SLC25A40: variants seen among roughly 807,000 people sequenced by gnomAD.
SLC25A40 encodes solute carrier family 25 member 40.
A neutral mutation model predicts 46.5 loss-of-function variants in SLC25A40; 41 were observed. That is an observed-to-expected ratio of 0.88 (90% CI 0.69 to 1.14). The LOEUF is 1.14. Ranked by LOEUF, SLC25A40 falls within the 50% of genes most tolerant of loss-of-function variation. The pLI is 0.00. For synonymous variants in SLC25A40, 126 were observed against 127.5 expected, an observed-to-expected ratio of 0.99 and a Z score of 0.08; for missense variants, 386 against 393.6, an observed-to-expected ratio of 0.98 and a Z score of 0.16.
Position 87,846,995 on chromosome 7 carries a change from A to T in SLC25A40, c.585T>A (p.Leu195=), listed in dbSNP as rs776453802. The T allele has an allele frequency of 1.1e-5, 18 of 1,613,660 alleles. No individual in the cohort carries two copies. The highest frequency in any genetic ancestry group is 1.5e-5 in the Non-Finnish European group (18 of 1,179,816). The part of the protein sequence containing the change: ...KKVSEDGWIS[L]WRGWAPTVLR... ...GAACAGTAGGAGCCCAGCCCCTCCA[A>T]AGGGAAATCCAACCATCTTCAGATA... Residue 195 remains leucine (L), a synonymous_variant, in exon 8 of 12, where the codon CTT becomes CTA. Coordinates refer to ENST00000341119, the MANE Select transcript of SLC25A40 (RefSeq NM_018843.4).
chr7:87,865,363 A>G (rs959347792), intron 1 of SLC25A40, among the ~76,000 whole-genome samples: 2 of 152,174 alleles, frequency 1.3e-5, no homozygotes, highest in East Asian at 3.8e-4. Flanking sequence ...ACCTATTTTT[A>G]TATTCCTTAT....
chr7:87,849,857 A>G (rs773510462), intron 6 of SLC25A40, 24 bp downstream of exon 6: 34 of 1,505,990 alleles, frequency 2.3e-5, no homozygotes, highest in Non-Finnish European at 2.7e-5. Flanking sequence ...TATTTAGTAG[A>G]AAAAACATTA....
intron 9 of SLC25A40, chr7:87,841,915 C>T: frequency 3.1e-6 from 1 of 323,716 alleles, no homozygotes; most frequent in South Asian, 4.2e-5. Context: ...TAAAAAGCCT[C>T]AGAAAAATTC....
At chr7:87,870,116 T>C (rs960551481) in intron 1 of SLC25A40, among the ~76,000 whole-genome samples, 2 of 151,974 alleles carry the variant, frequency 1.3e-5, no homozygotes, top group African/African-American at 4.8e-5. Context: ...AATAGCTATT[T>C]AGATCCTTTG....
chr7:87,848,017 A>C, intron 6 of SLC25A40, 40 bp from the exon 7 acceptor site: 1 of 1,581,462 alleles, frequency 6.3e-7, no homozygotes, highest in African/African-American at 1.4e-5. Flanking sequence ...AAATTATCAA[A>C]AGATCCCACA....
intron 4 of SLC25A40, among the ~76,000 whole-genome samples, chr7:87,855,179 A>AG (rs1226962391): frequency 6.6e-6 from 1 of 151,336 alleles, no homozygotes; most frequent in Admixed American, 6.6e-5. Flanking sequence ...AAAAAAAAAA[A>AG]GGACACAAAA....
At chr7:87,853,028 C>G (rs1838543381) in intron 5 of SLC25A40, among the ~76,000 whole-genome samples, 1 of 152,008 alleles carries the variant, frequency 6.6e-6, no homozygotes, top group Non-Finnish European at 1.5e-5. Flanking sequence ...CTGTGAAAGA[C>G]CATGTTTAAG....
At position 87,833,898 on chromosome 7, in the gene SLC25A40, T is replaced by TAAC. The variant is rs1391788928; in HGVS notation, c.*2348_*2350dup. On this transcript the variant is annotated 3_prime_UTR_variant, in exon 12 of 12. Coordinates refer to ENST00000341119, the MANE Select transcript of SLC25A40 (RefSeq NM_018843.4). ...AATTTAAAAAACATATGCAGTTAAA[T>TAAC]AACCATAATGAATAGTTTTCCTAGA... 1 of 151,706 alleles carries TAAC rather than the reference T, an allele frequency of 6.6e-6. No homozygotes were observed. Among genetic ancestry groups the TAAC allele is most frequent in the African/African-American group, 2.4e-5 (1 of 41,350 alleles). The allele number at this position is 151,706 out of a possible 1,614,324, so 9.4% of individuals were successfully genotyped here. A position where few individuals can be genotyped will look rare whatever the true frequency, so the allele number is the denominator to read the frequency against.
rs1269428200 is a variant in SLC25A40, at chr7:87,834,377, T to C, written c.*1872A>G. Reference sequence around the variant, plus strand: ...CAAAATTCTGAACACTTTTTGGTTGTTAGTATATTTTAAAAGTATTAATAT... The same window carrying C: ...CAAAATTCTGAACACTTTTTGGTTGCTAGTATATTTTAAAAGTATTAATAT... On this transcript the variant is annotated 3_prime_UTR_variant, in exon 12 of 12. Coordinates refer to ENST00000341119, the MANE Select transcript of SLC25A40 (RefSeq NM_018843.4). 2.0e-5 allele frequency: 3 copies of C among 151,702 alleles called. No homozygotes were observed. The highest frequency in any genetic ancestry group is 4.4e-5 in the Non-Finnish European group (3 of 67,762). The allele number at this position is 151,702 out of a possible 1,614,324, so 9.4% of individuals were successfully genotyped here. A position where few individuals can be genotyped will look rare whatever the true frequency, so the allele number is the denominator to read the frequency against.
intron 1 of SLC25A40, among the ~76,000 whole-genome samples, chr7:87,865,490 G>C (rs1199981188): frequency 6.6e-6 from 1 of 152,190 alleles, no homozygotes; most frequent in East Asian, 1.9e-4. Context: ...TTCTTGGGAG[G>C]CCAGGTACAG....
chr7:87,863,105 T>C (rs552995610), intron 1 of SLC25A40, among the ~76,000 whole-genome samples: 34 of 152,330 alleles, frequency 2.2e-4, no homozygotes, highest in Admixed American at 5.9e-4. Flanking sequence ...AGTATGTCCA[T>C]TTACATCTTT....
At chr7:87,839,415 G>A (rs1384582177) in intron 10 of SLC25A40, among the ~76,000 whole-genome samples, 1 of 146,810 alleles carries the variant, frequency 6.8e-6, no homozygotes, top group Non-Finnish European at 1.5e-5. Flanking sequence ...ATTAAATATT[G>A]CTTGAGTAGT....
Position 87,836,363 on chromosome 7 carries a change from T to C in SLC25A40, c.905-2A>G. On this transcript the variant is annotated splice_acceptor_variant, in intron 11 of 11. Coordinates refer to ENST00000341119, the MANE Select transcript of SLC25A40 (RefSeq NM_018843.4). LOFTEE classifies it high-confidence loss of function. ...TTTTAATTAAGCGAGGAATTAGGCCTGAGAAAAGAATAGGAATAATCAAAA... is the reference window on the plus strand; with the variant it reads ...TTTTAATTAAGCGAGGAATTAGGCCCGAGAAAAGAATAGGAATAATCAAAA... 6.7e-7 allele frequency: 1 copy of C among 1,500,470 alleles called. No individual in the cohort carries two copies. Among genetic ancestry groups the C allele is most frequent in the Non-Finnish European group, 8.9e-7 (1 of 1,122,654 alleles). The allele number at this position is 1,500,470 out of a possible 1,614,324, so 92.9% of individuals were successfully genotyped here.
intron 8 of SLC25A40, 151 bp from the exon 9 acceptor site, chr7:87,844,014 CT>C: frequency 3.1e-6 from 4 of 1,304,380 alleles, no homozygotes; most frequent in Non-Finnish European, 3.9e-6. Context: ...GGTGGGATTT[CT>C]TTTTTTAATG....
In SLC25A40 at chr7:87,856,361, T is replaced by C. The variant is rs769780980; in HGVS notation, c.98-10A>G. On this transcript the variant is annotated splice_polypyrimidine_tract_variant and intron_variant, in intron 3 of 11. Coordinates refer to ENST00000341119, the MANE Select transcript of SLC25A40 (RefSeq NM_018843.4). ...ACATCCAGGGGTGTCACTATGAAGA[T>C]ATGTTAAGTTTCAATTAGCGAGTGG... 1.2e-6 allele frequency: 2 copies of C among 1,611,238 alleles called. No homozygotes were observed. The highest frequency in any genetic ancestry group is 1.6e-4 in the Middle Eastern group (1 of 6,078).
chr7:87,850,306 G>A (rs1299441720), intron 5 of SLC25A40, among the ~76,000 whole-genome samples: 1 of 152,202 alleles, frequency 6.6e-6, no homozygotes, highest in East Asian at 1.9e-4. Flanking sequence ...ATATTAAAAT[G>A]TGCTATGTGA....
chr7:87,845,653 T>C (rs1294421073), intron 8 of SLC25A40, among the ~76,000 whole-genome samples: 2 of 152,124 alleles, frequency 1.3e-5, no homozygotes, highest in Non-Finnish European at 2.9e-5. Flanking sequence ...TAGGTGATGT[T>C]GGGACAACCA....
chr7:87,874,517 A>C (rs1295095507), intron 1 of SLC25A40, among the ~76,000 whole-genome samples: 2 of 152,168 alleles, frequency 1.3e-5, no homozygotes, highest in Non-Finnish European at 2.9e-5. Flanking sequence ...CCACCTACTC[A>C]AATTACCCTT....
intron 2 of SLC25A40, among the ~76,000 whole-genome samples, chr7:87,858,967 T>G (rs1262859431): frequency 6.6e-6 from 1 of 151,984 alleles, no homozygotes; most frequent in African/African-American, 2.4e-5. Flanking sequence ...CCCAATAGAG[T>G]ACAGAGGTAT....
Sources: allele counts gnomAD v4.1 joint callset (sites outside exome capture counted in the v4.1 genomes callset), GRCh38; gene constraint gnomAD v4.1.1; transcripts MANE v1.5; gene names NCBI Gene and HGNC (gene_info 2026-07-23, HGNC 2026-07-21).